The following ERGIC1 variants were observed in gnomAD, a reference collection of about 807,000 sequenced individuals.
The protein encoded by ERGIC1 is endoplasmic reticulum-Golgi intermediate compartment protein 1.
A neutral mutation model predicts 38.3 loss-of-function variants in ERGIC1; 19 were observed. That is an observed-to-expected ratio of 0.50 (90% CI 0.35 to 0.73). ERGIC1 has a LOEUF of 0.73. Among genes scored for constraint, ERGIC1 ranks in the 30% least tolerant of loss-of-function variants. The pLI, the probability that ERGIC1 is intolerant of heterozygous loss-of-function variation, is 0.01. For synonymous variants in ERGIC1, 124 were observed against 157.6 expected (o/e 0.79, Z 1.60); for missense variants, 294 against 389.2 (o/e 0.76, Z 2.06).
At chr5:172,896,545 G>A (rs991883818) in intron 2 of ERGIC1, among the ~76,000 whole-genome samples, 5 of 152,132 alleles carry the variant, frequency 3.3e-5, no homozygotes, top group Non-Finnish European at 7.4e-5. Flanking sequence ...GCAAACTCAT[G>A]GGCTCCGACC....
At chr5:172,891,660 G>A (rs1350227988) in intron 2 of ERGIC1, among the ~76,000 whole-genome samples, 9 of 152,128 alleles carry the variant, frequency 5.9e-5, no homozygotes, top group South Asian at 2.1e-4. Context: ...GGCTGGTCTC[G>A]AACTCCTGAC....
chr5:172,917,053 G>A (rs139686146), intron 5 of ERGIC1: 1,758 of 152,468 alleles, frequency 0.012, 45 homozygotes, highest in Admixed American at 0.061. Context: ...CAGTGGAGCT[G>A]GGGAGATGTG....
intron 3 of ERGIC1, among the ~76,000 whole-genome samples, chr5:172,907,513 G>A (rs1763064934): frequency 6.6e-6 from 1 of 151,842 alleles, no homozygotes; most frequent in African/African-American, 2.4e-5. Context: ...AGCCGAGATC[G>A]CGCCACTGCA....
Position 172,952,645 on chromosome 5 carries a change from C to T in ERGIC1, c.*1829C>T, listed in dbSNP as rs976059256. The T allele has an allele frequency of 1.3e-5, 2 of 152,006 alleles. No individual in the cohort carries two copies. Among genetic ancestry groups the T allele is most frequent in the Admixed American group, 6.6e-5 (1 of 15,260 alleles). 9.4% of individuals were successfully genotyped at this position (152,006 alleles called of 1,614,324 possible). A position where few individuals can be genotyped will look rare whatever the true frequency, so the allele number is the denominator to read the frequency against. ...AAAATGTTTTAGTTCTTTCCCCACT[C>T]GTTGGGTTCAACTAGATTAAAAGGC... On this transcript the variant is annotated 3_prime_UTR_variant, in exon 10 of 10. Transcript: ENST00000393784.
chr5:172,851,423 C>T (rs374543356), intron 1 of ERGIC1, among the ~76,000 whole-genome samples: 64 of 152,176 alleles, frequency 4.2e-4, no homozygotes, highest in African/African-American at 1.3e-3. Flanking sequence ...ACAGGAGATT[C>T]GCTTCAACCC....
intron 3 of ERGIC1, among the ~76,000 whole-genome samples, chr5:172,906,921 C>A (rs1763042562): frequency 6.6e-6 from 1 of 152,180 alleles, no homozygotes; most frequent in East Asian, 1.9e-4. Flanking sequence ...GGGCTCAGCA[C>A]AGCTTCTGGC....
rs115903261 is a variant in ERGIC1 at position 172,948,781 on chromosome 5, G to T, written c.766-1928G>T. 5.4e-3 allele frequency among the ~76,000 whole-genome samples: 823 copies of T among 152,288 alleles called. 5 individuals carry two copies. Among genetic ancestry groups the T allele is most frequent in the Middle Eastern group, 0.027 (8 of 294 alleles). On this transcript the variant is annotated intron_variant, in intron 9 of 9. Transcript: ENST00000393784. ...TTTTCTTGCAAGGTCTGGAACAGTG[G>T]TTCATGCCTGTAATCCTAGCACTTT...
intron 1 of ERGIC1, among the ~76,000 whole-genome samples, chr5:172,874,980 G>A (rs1762110045): frequency 6.6e-6 from 1 of 151,682 alleles, no homozygotes; most frequent in African/African-American, 2.4e-5. Flanking sequence ...CTCCCCCGAG[G>A]AGATGACATT....
At chr5:172,862,999 A>G (rs1205015879) in intron 1 of ERGIC1, among the ~76,000 whole-genome samples, 1 of 152,190 alleles carries the variant, frequency 6.6e-6, no homozygotes, top group Admixed American at 6.5e-5. Flanking sequence ...ATATATACAT[A>G]CATACGAACT....
chr5:172,861,546 T>C (rs1379292278), intron 1 of ERGIC1, among the ~76,000 whole-genome samples: 4 of 152,232 alleles, frequency 2.6e-5, no homozygotes, highest in Admixed American at 6.5e-5. Flanking sequence ...TGAACCTCAG[T>C]TGCCTTATTT....
chr5:172,890,953 G>A (rs1048289606), intron 2 of ERGIC1, among the ~76,000 whole-genome samples: 1 of 152,236 alleles, frequency 6.6e-6, no homozygotes, highest in Admixed American at 6.5e-5. Context: ...GCACAGCCCC[G>A]TGGCAGGATG....
chr5:172,882,444 T>A (rs889577101), intron 1 of ERGIC1, among the ~76,000 whole-genome samples: 10 of 152,098 alleles, frequency 6.6e-5, no homozygotes, highest in Admixed American at 6.5e-4. Flanking sequence ...TTCATCTGAT[T>A]TACCAAAAAA....
chr5:172,851,750 C>T (rs758496711), intron 1 of ERGIC1, among the ~76,000 whole-genome samples: 1 of 152,026 alleles, frequency 6.6e-6, no homozygotes, highest in Non-Finnish European at 1.5e-5. Context: ...TGACTTAATT[C>T]CATCTAGTGA....
intron 1 of ERGIC1, among the ~76,000 whole-genome samples, chr5:172,853,113 GC>G: frequency 6.6e-6 from 1 of 152,334 alleles, no homozygotes; most frequent in African/African-American, 2.4e-5. Flanking sequence ...GTGTGTTCAT[GC>G]CTTTGCTGCA....
chr5:172,910,814 C>G (rs941443205), intron 4 of ERGIC1, among the ~76,000 whole-genome samples: 1 of 152,104 alleles, frequency 6.6e-6, no homozygotes, highest in Non-Finnish European at 1.5e-5. Context: ...CATGAGCCAC[C>G]GTGCCTGGCC....
chr5:172,893,902 T>TACAC (rs1762637753), intron 2 of ERGIC1, among the ~76,000 whole-genome samples: 1 of 36,472 alleles, frequency 2.7e-5, no homozygotes, highest in African/African-American at 9.8e-5. Context: ...TATATATATA[T>TACAC]ATATGTGTGT....
intron 9 of ERGIC1, among the ~76,000 whole-genome samples, chr5:172,942,919 A>G (rs1764043937): frequency 6.6e-6 from 1 of 152,178 alleles, no homozygotes; most frequent in African/African-American, 2.4e-5. Flanking sequence ...AATTGAGAAG[A>G]CAGATTCCCT....
Position 172,951,181 on chromosome 5 carries a change from A to G in ERGIC1, c.*365A>G, listed in dbSNP as rs115001915. 8.4e-3 allele frequency: 1,419 copies of G among 169,414 alleles called. 25 individuals carry two copies. Among genetic ancestry groups the G allele is most frequent in the African/African-American group, 0.032 (1,351 of 42,222 alleles). The allele number at this position is 169,414 out of a possible 1,614,324, so 10.5% of individuals were successfully genotyped here. ...GATCAGCTCTCAGCCAGGCTTCGAC[A>G]ATCTCGCAGCCCCCACTAGGTGGAC... On this transcript the variant is annotated 3_prime_UTR_variant, in exon 10 of 10. Transcript: ENST00000393784.
At chr5:172,876,568 T>C (rs1762143449) in intron 1 of ERGIC1, among the ~76,000 whole-genome samples, 1 of 152,216 alleles carries the variant, frequency 6.6e-6, no homozygotes. Flanking sequence ...TATTAAAATG[T>C]TTTATTCAGA....
Sources: allele counts gnomAD v4.1 joint callset (sites outside exome capture counted in the v4.1 genomes callset), GRCh38; gene constraint gnomAD v4.1.1; transcripts MANE v1.5; gene names NCBI Gene and HGNC (gene_info 2026-07-23, HGNC 2026-07-21).